BCLAF3: variants seen among roughly 807,000 people sequenced by gnomAD.
BCLAF3 encodes BCLAF1 and THRAP3 family member 3.
In BCLAF3, 24 loss-of-function variants were observed where a neutral mutation model predicts 51.2. That is an observed-to-expected ratio of 0.47 (90% CI 0.34 to 0.66). The LOEUF is 0.66. BCLAF3 is among the 30% of genes least tolerant of loss of function. The pLI is 0.01. For missense variants in BCLAF3, 465 were observed against 525.1 expected (o/e 0.89, Z 1.12); for synonymous variants, 152 against 176.6 (o/e 0.86, Z 1.10).
intron 4 of BCLAF3, among the ~76,000 whole-genome samples, chrX:19,957,659 T>C (rs778009355): frequency 8.9e-6 from 1 of 112,114 alleles, no homozygotes; most frequent in Non-Finnish European, 1.9e-5. Flanking sequence ...AGGAGTTACA[T>C]ACTTTGAAGC....
At chrX:19,937,029 T>C (rs2070789634) in intron 9 of BCLAF3, among the ~76,000 whole-genome samples, 1 of 111,800 alleles carries the variant, frequency 8.9e-6, no homozygotes, top group African/African-American at 3.2e-5. Context: ...TTTGAATTTT[T>C]TTCTTTTATT....
chrX:19,984,580 G>A (rs2072733970), intron 1 of BCLAF3, among the ~76,000 whole-genome samples: 1 of 111,509 alleles, frequency 9.0e-6, no homozygotes, highest in South Asian at 3.7e-4. Flanking sequence ...ATAATGCAAT[G>A]AAACTAGAAT....
intron 8 of BCLAF3, among the ~76,000 whole-genome samples, chrX:19,940,765 T>C (rs1376968008): frequency 9.0e-6 from 1 of 110,761 alleles, no homozygotes; most frequent in Non-Finnish European, 1.9e-5. Context: ...GCATGATTTA[T>C]AGTCCTTTGG....
intron 10 of BCLAF3, among the ~76,000 whole-genome samples, chrX:19,934,121 T>C (rs901845929): frequency 9.8e-5 from 11 of 112,144 alleles, no homozygotes; most frequent in Non-Finnish European, 1.9e-4. Context: ...CCCACTATTT[T>C]ACTACAAAGA....
Position 19,966,319 on chromosome X carries a change from C to G in BCLAF3, c.372G>C (p.Glu124Asp). Residue 124 changes from glutamate (E) to aspartate (D), a missense_variant, in exon 3 of 12, where the codon GAG becomes GAC. Transcript: ENST00000379682. The stretch of plus-strand genomic sequence containing the variant: ...TCTGGGGATAAGAATTCCTTTCATG[C>G]TCTTTGTAGGGTATACCCTCTGAGT... ...PKYSEGIPYK[E>D]HERNSYPQKV... 8.3e-7 allele frequency: 1 copy of G among 1,211,564 alleles called. No individual in the cohort carries two copies. Among genetic ancestry groups the G allele is most frequent in the Non-Finnish European group, 1.1e-6 (1 of 895,387 alleles).
chrX:19,917,038 C>T lies in BCLAF3; in HGVS notation c.*267G>A. ...ATGAAACCATGCTCAGAGAAAAATG[C>T]ATCAACAAATAATGCCCTTCAAGTG... On this transcript the variant is annotated 3_prime_UTR_variant, in exon 12 of 12. Transcript: ENST00000379682. 9.0e-6 allele frequency: 3 copies of T among 334,572 alleles called. No homozygotes were observed. The highest frequency in any genetic ancestry group is 1.0e-5 in the Non-Finnish European group (2 of 194,942). The allele number at this position is 334,572 out of a possible 1,213,427, so 27.6% of individuals were successfully genotyped here.
chrX:19,947,923 TAA>T (rs771461363), intron 8 of BCLAF3, among the ~76,000 whole-genome samples: 5 of 112,794 alleles, frequency 4.4e-5, no homozygotes, highest in Non-Finnish European at 9.4e-5. Flanking sequence ...GACTTGATTT[TAA>T]AAGTTTATAT....
chrX:19,958,917 C>G lies in BCLAF3; in HGVS notation c.1275-3351G>C, dbSNP rs371108764. On this transcript the variant is annotated intron_variant, in intron 4 of 11. Transcript: ENST00000379682. ...TCCTCCCCTAATTCCTCACTTTTTG[C>G]ACAAAAGTCCTCTAGTGGGCCTCAC... Among the ~76,000 whole-genome samples the G allele has an allele frequency of 1.6e-4, 18 of 112,325 alleles. No individual in the cohort carries two copies. In the South Asian group the frequency reaches 3.3e-3, roughly 20 times the overall value.
At chrX:19,920,277 C>T (rs770236837) in intron 11 of BCLAF3, among the ~76,000 whole-genome samples, 7 of 111,963 alleles carry the variant, frequency 6.3e-5, no homozygotes, top group African/African-American at 2.3e-4. Flanking sequence ...CTCTGGACTT[C>T]GCCCTATATG....
intron 1 of BCLAF3, among the ~76,000 whole-genome samples, chrX:19,978,554 GA>G (rs2072505769): frequency 8.9e-6 from 1 of 112,332 alleles, no homozygotes; most frequent in Admixed American, 9.4e-5. Context: ...GATGAGCAAA[GA>G]AAGTGGTTTC....
At chrX:19,951,186 GA>G (rs2071461292) in intron 7 of BCLAF3, among the ~76,000 whole-genome samples, 1 of 111,189 alleles carries the variant, frequency 9.0e-6, no homozygotes, top group Non-Finnish European at 1.9e-5. Context: ...AAATTAAGAG[GA>G]AGGGAAGAAT....
chrX:19,985,953 G>A (rs1423485445), intron 1 of BCLAF3, among the ~76,000 whole-genome samples: 1 of 108,860 alleles, frequency 9.2e-6, no homozygotes, highest in Non-Finnish European at 1.9e-5. Flanking sequence ...CTTGTCTCAG[G>A]AAAAAACAAG....
At chrX:19,927,981 T>A (rs1172778582) in intron 11 of BCLAF3, among the ~76,000 whole-genome samples, 2 of 107,873 alleles carry the variant, frequency 1.9e-5, no homozygotes, top group African/African-American at 6.8e-5. Context: ...GCTCAAGTGG[T>A]CCTTCCACCT....
chrX:19,918,526 A>G (rs1603298472), intron 11 of BCLAF3, among the ~76,000 whole-genome samples: 2 of 85,233 alleles, frequency 2.3e-5, no homozygotes, highest in South Asian at 1.2e-3. Context: ...AAGCCCCCCC[A>G]ACCCGGCCTT....
At chrX:19,967,710 C>G (rs111310210) in intron 2 of BCLAF3, among the ~76,000 whole-genome samples, 2,169 of 111,983 alleles carry the variant, frequency 0.019, 68 homozygotes, top group African/African-American at 0.067. Context: ...AGGAAGCGAT[C>G]CTTGCAGCTT....
intron 11 of BCLAF3, among the ~76,000 whole-genome samples, chrX:19,920,437 T>A (rs1477799454): frequency 9.3e-6 from 1 of 107,835 alleles, no homozygotes; most frequent in Non-Finnish European, 1.9e-5. Context: ...TATGGATGGA[T>A]GTGTGTGTGT....
intron 8 of BCLAF3, among the ~76,000 whole-genome samples, chrX:19,941,253 T>C (rs1426478050): frequency 3.7e-5 from 4 of 107,624 alleles, no homozygotes; most frequent in African/African-American, 1.4e-4. Context: ...TTTCTTTTGC[T>C]GTGCAGAAGC....
Position 19,955,354 on chromosome X carries a change from T to C in BCLAF3, c.1450+37A>G, listed in dbSNP as rs753700690. 12 of 1,080,471 alleles carry C rather than the reference T, an allele frequency of 1.1e-5. No individual in the cohort carries two copies. In the Middle Eastern group the frequency reaches 7.6e-4, roughly 68 times the overall value. The allele number at this position is 1,080,471 out of a possible 1,213,427, so 89.0% of individuals were successfully genotyped here. On this transcript the variant is annotated intron_variant, in intron 5 of 11. Transcript: ENST00000379682. ...GTATCTCGTGAATAGTATATTACTT[T>C]TGTGTTATCCCTAACGTATGTGCAA...
At chrX:19,967,876 T>G (rs891450487) in intron 2 of BCLAF3, among the ~76,000 whole-genome samples, 2 of 112,132 alleles carry the variant, frequency 1.8e-5, no homozygotes, top group African/African-American at 6.5e-5. Context: ...AACTTGGCAA[T>G]ATTGCCCTCT....
Sources: gnomAD v4.1 joint callset for allele counts (sites outside exome capture counted in the v4.1 genomes callset) on GRCh38, gnomAD v4.1.1 for gene constraint, MANE v1.5 for transcripts, NCBI Gene and HGNC (gene_info 2026-07-23, HGNC 2026-07-21) for gene names.